The following PSMA2 variants were observed in gnomAD, a reference collection of about 807,000 sequenced individuals.
The protein encoded by PSMA2 is proteasome 20S subunit alpha 2.
PSMA2 carries 2 observed loss-of-function variants against 35.9 expected under a neutral mutation model. The observed-to-expected ratio is 0.06, with a 90% CI of 0.02 to 0.18. The LOEUF (loss-of-function observed/expected upper bound fraction) is 0.18, where lower values mean the gene tolerates loss of function less well. Among genes scored for constraint, PSMA2 ranks in the 10% least tolerant of loss-of-function variants. The pLI is 1.00. For missense variants in PSMA2, 126 were observed against 278.8 expected (o/e 0.45, Z 3.90); for synonymous variants, 97 against 98.2 (o/e 0.99, Z 0.07).
chr7:42,929,173 A>C (rs527736802), intron 1 of PSMA2, among the ~76,000 whole-genome samples: 5 of 152,230 alleles, frequency 3.3e-5, no homozygotes, highest in East Asian at 1.9e-4. Flanking sequence ...TTTGGCTGAC[A>C]GAGACACATC....
chr7:42,925,840 T>A (rs1463055125), intron 3 of PSMA2, among the ~76,000 whole-genome samples: 1 of 152,232 alleles, frequency 6.6e-6, no homozygotes, highest in Non-Finnish European at 1.5e-5. Context: ...CCACTGACCT[T>A]GTTGCGTTGA....
In PSMA2 at chr7:42,917,453, A is replaced by G; in HGVS notation, c.*121T>C. 1 of 742,010 alleles carries G rather than the reference A, an allele frequency of 1.3e-6. No homozygotes were observed. Among genetic ancestry groups the G allele is most frequent in the Non-Finnish European group, 2.2e-6 (1 of 451,994 alleles). 46.0% of individuals were successfully genotyped at this position (742,010 alleles called of 1,614,324 possible). ...TTAGGATTTATAAGTGTCATTTTAAAAACAGTCGATTTAAACCATGTAGAA... is the reference window on the plus strand; with the variant it reads ...TTAGGATTTATAAGTGTCATTTTAAGAACAGTCGATTTAAACCATGTAGAA... On this transcript the variant is annotated 3_prime_UTR_variant, in exon 8 of 8. Coordinates refer to ENST00000223321, the MANE Select transcript of PSMA2 (RefSeq NM_002787.5).
At position 42,917,818 on chromosome 7, in the gene PSMA2, T is replaced by A; in HGVS notation, c.548A>T (p.Glu183Val). ...FLEKRYNEDL[E>V]LEDAIHTAIL... Reference sequence around the variant, plus strand: ...GGCTGTATGAATGGCATCTTCAAGTTCCAGATCTTCATTATATCTGAAGAA... The same window carrying A: ...GGCTGTATGAATGGCATCTTCAAGTACCAGATCTTCATTATATCTGAAGAA... Residue 183 changes from glutamate (E) to valine (V), a missense_variant, in exon 7 of 8, where the codon GAA (glutamate) becomes GTA (valine). Around this residue, in one of 3 missense-constraint regions of PSMA2, gnomAD observed 42 missense variants for 83.6 expected, o/e 0.50. Coordinates refer to ENST00000223321, the MANE Select transcript of PSMA2 (RefSeq NM_002787.5). 4 of 1,606,864 alleles carry A rather than the reference T, an allele frequency of 2.5e-6. No individual in the cohort carries two copies. In the East Asian group the frequency reaches 9.0e-5, roughly 36 times the overall value.
In PSMA2 at chr7:42,921,818, T is replaced by G. The variant is rs546713859; in HGVS notation, c.530+40A>C. 79 of 1,521,736 alleles carry G rather than the reference T, an allele frequency of 5.2e-5. 1 individual carries two copies. The South Asian group carries it at 9.1e-4, about 17-fold the overall frequency. The allele number at this position is 1,521,736 out of a possible 1,614,324, so 94.3% of individuals were successfully genotyped here. A position where few individuals can be genotyped will look rare whatever the true frequency, so the allele number is the denominator to read the frequency against. On this transcript the variant is annotated intron_variant, in intron 6 of 7. Transcript: ENST00000223321. ...TTAAAGAGCACCAAAAACCATAAAGTGAGTTTGCTAAAGAATGCAGTTACA... is the reference window on the plus strand; with the variant it reads ...TTAAAGAGCACCAAAAACCATAAAGGGAGTTTGCTAAAGAATGCAGTTACA...
intron 5 of PSMA2, among the ~76,000 whole-genome samples, chr7:42,922,724 A>G (rs1197146174): frequency 6.6e-6 from 1 of 152,198 alleles, no homozygotes; most frequent in East Asian, 1.9e-4. Context: ...ACCTGTAATT[A>G]TCTAATAATC....
chr7:42,922,114 A>G (rs1164429085), intron 5 of PSMA2, among the ~76,000 whole-genome samples, 183 bp from the exon 6 acceptor site: 3 of 152,194 alleles, frequency 2.0e-5, no homozygotes, highest in African/African-American at 7.2e-5. Context: ...TGGAAACCAA[A>G]AAGGCATGAA....
chr7:42,920,207 G>A, intron 6 of PSMA2: 4 of 296,014 alleles, frequency 1.4e-5, no homozygotes, highest in South Asian at 4.0e-5. Context: ...TAAATAATGA[G>A]GAATATGAAT....
At position 42,924,894 on chromosome 7, in the gene PSMA2, A is replaced by C. The variant is rs766501758; in HGVS notation, c.252-97T>G. The C allele has an allele frequency of 4.7e-4, 560 of 1,192,024 alleles. 1 individual carries two copies. Among genetic ancestry groups the C allele is most frequent in the Admixed American group, 9.6e-4 (40 of 41,538 alleles). The allele number at this position is 1,192,024 out of a possible 1,614,324, so 73.8% of individuals were successfully genotyped here. A position where few individuals can be genotyped will look rare whatever the true frequency, so the allele number is the denominator to read the frequency against. ...AGGCATGTACCTGCAGCACAAGTTT[A>C]ACATGTATCTCTTTAATGGTGGCTA... On this transcript the variant is annotated intron_variant, in intron 3 of 7. Coordinates refer to ENST00000223321, the MANE Select transcript of PSMA2 (RefSeq NM_002787.5).
At chr7:42,920,705 A>G (rs1786113846) in intron 6 of PSMA2, 1 of 152,228 alleles carries the variant, frequency 6.6e-6, no homozygotes, top group South Asian at 2.1e-4. Context: ...CCTAAGATTA[A>G]GTTTACCATT....
At chr7:42,920,026 C>A (rs1786101743) in intron 6 of PSMA2, 2 of 690,788 alleles carry the variant, frequency 2.9e-6, no homozygotes, top group Non-Finnish European at 5.5e-6. Context: ...AAGAGAAGAG[C>A]TAGAAGAAAT....
At chr7:42,922,928 A>G (rs591740) in intron 5 of PSMA2, among the ~76,000 whole-genome samples, 128,964 of 152,192 alleles carry the variant, frequency 0.85, 54,827 homozygotes, top group South Asian at 0.91. Context: ...ATTCAAGATA[A>G]ATTAATGTTT....
chr7:42,921,943 AG>A lies in PSMA2; in HGVS notation c.457-13del. Reference sequence around the variant, plus strand: ...GCAAAGTAAGCTCCCTAATCAGGAAAGAAAGAGTAAAAAACCATATTTTAAA... The same window carrying A: ...GCAAAGTAAGCTCCCTAATCAGGAAAAAAGAGTAAAAAACCATATTTTAAA... On this transcript the variant is annotated splice_polypyrimidine_tract_variant and intron_variant, in intron 5 of 7. Coordinates refer to ENST00000223321, the MANE Select transcript of PSMA2 (RefSeq NM_002787.5). The A allele has an allele frequency of 1.2e-6, 2 of 1,602,660 alleles. No homozygotes were observed. Among genetic ancestry groups the A allele is most frequent in the Non-Finnish European group, 1.7e-6 (2 of 1,172,036 alleles).
At position 42,923,410 on chromosome 7, in the gene PSMA2, C is replaced by A. The variant is rs759823576; in HGVS notation, c.375-4G>T. 1.9e-6 allele frequency: 3 copies of A among 1,609,344 alleles called. No individual in the cohort carries two copies. The highest frequency in any genetic ancestry group is 2.6e-6 in the Non-Finnish European group (3 of 1,176,146). Reference sequence around the variant, plus strand: ...AACTCCAAATGGACGAACACCACTGCAGGGAGGAAAATGAAAATTACTTGG... The same window carrying A: ...AACTCCAAATGGACGAACACCACTGAAGGGAGGAAAATGAAAATTACTTGG... On this transcript the variant is annotated splice_polypyrimidine_tract_variant and splice_region_variant and intron_variant, in intron 4 of 7. Coordinates refer to ENST00000223321, the MANE Select transcript of PSMA2 (RefSeq NM_002787.5).
At chr7:42,926,912 A>G (rs931862798) in intron 2 of PSMA2, among the ~76,000 whole-genome samples, 1 of 152,246 alleles carries the variant, frequency 6.6e-6, no homozygotes, top group African/African-American at 2.4e-5. Flanking sequence ...ACTTTTGTAA[A>G]GCACTCTAAG....
chr7:42,930,574 A>C (rs1429409235), intron 1 of PSMA2, among the ~76,000 whole-genome samples: 2 of 152,028 alleles, frequency 1.3e-5, no homozygotes, highest in Non-Finnish European at 2.9e-5. Flanking sequence ...TAATAAAGAA[A>C]ATTTGTTATA....
chr7:42,922,260 C>A (rs1318357075), intron 5 of PSMA2, among the ~76,000 whole-genome samples: 3 of 151,964 alleles, frequency 2.0e-5, no homozygotes, highest in African/African-American at 7.2e-5. Context: ...TGTAAAAAAT[C>A]CAGTTAAAAG....
chr7:42,917,719 T>C lies in PSMA2; in HGVS notation c.589-29A>G, dbSNP rs1786054120. On this transcript the variant is annotated intron_variant, in intron 7 of 7. Coordinates refer to ENST00000223321, the MANE Select transcript of PSMA2 (RefSeq NM_002787.5). ...TTGAGGAGGGAGGAAAAAAGGTCAA[T>C]TTTCTAAGCAGTTAATCATGAAATC... The C allele has an allele frequency of 6.2e-6, 10 of 1,611,162 alleles. No individual in the cohort carries two copies. The East Asian group carries it at 2.2e-4, about 36-fold the overall frequency.
At chr7:42,918,366 C>T (rs1427323727) in intron 6 of PSMA2, 1 of 152,192 alleles carries the variant, frequency 6.6e-6, no homozygotes, top group Non-Finnish European at 1.5e-5. Context: ...TTTTAACAAT[C>T]AGGATGTGGT....
intron 1 of PSMA2, among the ~76,000 whole-genome samples, chr7:42,928,662 T>C (rs1192943025): frequency 6.6e-6 from 1 of 152,208 alleles, no homozygotes; most frequent in African/African-American, 2.4e-5. Flanking sequence ...TTATCTCCCG[T>C]CTACTAATGA....
Sources: allele counts gnomAD v4.1 joint callset (sites outside exome capture counted in the v4.1 genomes callset), GRCh38; gene constraint gnomAD v4.1.1; regional missense constraint gnomAD v4.1.1; transcripts MANE v1.5; gene names NCBI Gene and HGNC (gene_info 2026-07-23, HGNC 2026-07-21).